The following CAPRIN1 variants were observed in gnomAD, a reference collection of about 807,000 sequenced individuals.
CAPRIN1 encodes caprin-1.
Under a neutral mutation model 100.9 loss-of-function variants are expected in CAPRIN1, and 29 were observed. The ratio of observed to expected loss-of-function variants is 0.29; its 90% CI spans 0.21 to 0.39. The LOEUF (loss-of-function observed/expected upper bound fraction) is 0.39. CAPRIN1 is among the 10% of genes least tolerant of loss of function. CAPRIN1 has a pLI of 1.00. For synonymous variants in CAPRIN1, 338 were observed against 307.5 expected (o/e 1.10, Z -1.04); for missense variants, 795 against 876.7 (o/e 0.91, Z 1.18).
intron 4 of CAPRIN1, among the ~76,000 whole-genome samples, chr11:34,072,565 C>G (rs1850823685): frequency 6.6e-6 from 1 of 152,036 alleles, no homozygotes; most frequent in African/African-American, 2.4e-5. Flanking sequence ...GGTAATTATT[C>G]TCTGCTTTAG....
intron 18 of CAPRIN1, 27 bp downstream of exon 18, chr11:34,097,788 C>A: frequency 6.2e-7 from 1 of 1,613,920 alleles, no homozygotes; most frequent in Non-Finnish European, 8.5e-7. Flanking sequence ...GTGATCCTAG[C>A]TCCTAAGTGG....
chr11:34,065,258 G>A (rs1008476499), intron 2 of CAPRIN1, among the ~76,000 whole-genome samples: 5 of 152,192 alleles, frequency 3.3e-5, no homozygotes, highest in Admixed American at 1.3e-4. Flanking sequence ...CACTGCACCC[G>A]GCCCCGTATA....
intron 2 of CAPRIN1, among the ~76,000 whole-genome samples, chr11:34,069,824 TGTG>T (rs1462908221): frequency 6.6e-6 from 1 of 151,198 alleles, no homozygotes. Flanking sequence ...AGGAAGGAAT[TGTG>T]GTAGGGTTTT....
chr11:34,094,429 A>T (rs1851325678), intron 15 of CAPRIN1, among the ~76,000 whole-genome samples: 1 of 152,238 alleles, frequency 6.6e-6, no homozygotes, highest in South Asian at 2.1e-4. Flanking sequence ...GTGTCTAATC[A>T]GGAACAACAT....
rs749679990 is a variant in CAPRIN1 at position 34,071,777 on chromosome 11, C to A, written c.268C>A (p.Gln90Lys). 1 of 1,597,596 alleles carries A rather than the reference C, an allele frequency of 6.3e-7. No individual in the cohort carries two copies. The highest frequency in any genetic ancestry group is 8.5e-7 in the Non-Finnish European group (1 of 1,173,790). The change falls in exon 3 of 19, where the codon CAA becomes AAA. Residue 90 changes from glutamine to lysine, a missense_variant. Physicochemically the swap from Gln to Lys is moderately conservative, Grantham distance 53. This residue lies in a region of CAPRIN1 where 38 missense variants were observed against 92.3 expected (regional missense o/e 0.41). Transcript: ENST00000341394. ...ERMNKGERLN[Q>K]DQLDAVSKYQ... ...AATGAACAAAGGGGAAAGGCTTAAT[C>A]AAGATCAGCTGGTAAAGATGTTATA...
chr11:34,092,756 C>G (rs758625560), intron 15 of CAPRIN1, among the ~76,000 whole-genome samples: 8 of 152,168 alleles, frequency 5.3e-5, no homozygotes, highest in Non-Finnish European at 1.2e-4. Context: ...CTCATGGTGG[C>G]TGCATTTCGT....
chr11:34,098,561 GGAATTACA>G, intron 18 of CAPRIN1: 1 of 985,330 alleles, frequency 1.0e-6, no homozygotes, highest in Non-Finnish European at 1.2e-6. Context: ...GTGTTAAGGA[GGAATTACA>G]ACGTACTTTG....
intron 9 of CAPRIN1, among the ~76,000 whole-genome samples, chr11:34,084,985 G>A (rs1851110227): frequency 6.6e-6 from 1 of 151,860 alleles, no homozygotes; most frequent in African/African-American, 2.4e-5. Flanking sequence ...ATCCACATGA[G>A]ATTCCACGAA....
At chr11:34,088,810 T>C (rs1851200628) in intron 11 of CAPRIN1, among the ~76,000 whole-genome samples, 2 of 152,212 alleles carry the variant, frequency 1.3e-5, no homozygotes, top group Non-Finnish European at 2.9e-5. Flanking sequence ...ACATTTTACT[T>C]TACTTTTGGA....
intron 12 of CAPRIN1, among the ~76,000 whole-genome samples, chr11:34,089,794 C>T (rs1851227722): frequency 6.6e-6 from 1 of 151,796 alleles, no homozygotes; most frequent in Non-Finnish European, 1.5e-5. Context: ...CTCTTGATGA[C>T]TTTTTAAGTT....
intron 4 of CAPRIN1, among the ~76,000 whole-genome samples, chr11:34,074,986 A>G (rs1467194121): frequency 6.6e-6 from 1 of 152,180 alleles, no homozygotes; most frequent in East Asian, 1.9e-4. Context: ...TCAAGACCCA[A>G]GACCAGCCTT....
rs757768464 is a variant in CAPRIN1, at chr11:34,071,779, A to G, written c.270A>G (p.Gln90=). 2 of 1,592,952 alleles carry G rather than the reference A, an allele frequency of 1.3e-6. No homozygotes were observed. The highest frequency in any genetic ancestry group is 1.7e-6 in the Non-Finnish European group (2 of 1,172,572). The change falls in exon 3 of 19, where the codon CAA becomes CAG. Residue 90 remains glutamine, a synonymous_variant. Transcript: ENST00000341394. The stretch of plus-strand genomic sequence containing the variant: ...TGAACAAAGGGGAAAGGCTTAATCA[A>G]GATCAGCTGGTAAAGATGTTATATT... ...ERMNKGERLN[Q]DQLDAVSKYQ... is the part of the protein sequence containing the mutation.
In CAPRIN1 at chr11:34,068,212, C is replaced by T. The variant is rs889189439; in HGVS notation, c.217-3514C>T. On this transcript the variant is annotated intron_variant, in intron 2 of 18. Coordinates refer to ENST00000341394, the MANE Select transcript of CAPRIN1 (RefSeq NM_005898.5). ...CATGGCTTCCTCATCATGTGGCAGT[C>T]TCAGAGTTACTGTATTTGTATGATG... 3.9e-5 allele frequency among the ~76,000 whole-genome samples: 6 copies of T among 152,268 alleles called. No homozygotes were observed. The South Asian group carries it at 1.0e-3, about 26-fold the overall frequency.
intron 2 of CAPRIN1, among the ~76,000 whole-genome samples, chr11:34,061,653 C>CT (rs374461218): frequency 3.6e-4 from 54 of 152,068 alleles, no homozygotes; most frequent in Non-Finnish European, 6.6e-4. Context: ...GTGTGCCACT[C>CT]TTTAAGTTCT....
intron 7 of CAPRIN1, among the ~76,000 whole-genome samples, chr11:34,080,587 A>T (rs1245314959): frequency 6.6e-6 from 1 of 152,240 alleles, no homozygotes; most frequent in African/African-American, 2.4e-5. Context: ...AACACTAATT[A>T]TATAGCTAGA....
chr11:34,054,712 C>T (rs918227767), intron 2 of CAPRIN1, among the ~76,000 whole-genome samples: 1 of 152,210 alleles, frequency 6.6e-6, no homozygotes, highest in Non-Finnish European at 1.5e-5. Context: ...GAGTGAGCCC[C>T]TGTGCCCGGC....
At chr11:34,088,759 C>A (rs978784220) in intron 11 of CAPRIN1, among the ~76,000 whole-genome samples, 5 of 152,102 alleles carry the variant, frequency 3.3e-5, no homozygotes, top group Non-Finnish European at 7.4e-5. Flanking sequence ...CTTTAAAAGT[C>A]TTTTTTCATG....
At chr11:34,055,670 G>A (rs891983361) in intron 2 of CAPRIN1, 1 of 152,132 alleles carries the variant, frequency 6.6e-6, no homozygotes, top group African/African-American at 2.4e-5. Flanking sequence ...TTATTACATA[G>A]GTTATTAACT....
Position 34,097,244 on chromosome 11 carries a change from G to T in CAPRIN1, c.1949G>T (p.Gly650Val). ...TCATTCTCTAACACTCCAAACAGTGGTTATACACAGTCTCAGTTCAGTGCT... is the reference window on the plus strand; with the variant it reads ...TCATTCTCTAACACTCCAAACAGTGTTTATACACAGTCTCAGTTCAGTGCT... Reference protein sequence around the residue: ...RPSFSNTPNSGYTQSQFSAPR... With the variant: ...RPSFSNTPNSVYTQSQFSAPR... The change falls in exon 17 of 19, where the codon GGT becomes GTT. Residue 650 changes from glycine to valine, a missense_variant. Around this residue, in one of 3 missense-constraint regions of CAPRIN1, gnomAD observed 648 missense variants for 697.9 expected, o/e 0.93. Coordinates refer to ENST00000341394, the MANE Select transcript of CAPRIN1 (RefSeq NM_005898.5). 1 of 1,614,006 alleles carries T rather than the reference G, an allele frequency of 6.2e-7. No homozygotes were observed. Among genetic ancestry groups the T allele is most frequent in the South Asian group, 1.1e-5 (1 of 91,072 alleles).
Sources: allele counts gnomAD v4.1 joint callset (sites outside exome capture counted in the v4.1 genomes callset), GRCh38; gene constraint gnomAD v4.1.1; regional missense constraint gnomAD v4.1.1; transcripts MANE v1.5; gene names NCBI Gene and HGNC (gene_info 2026-07-23, HGNC 2026-07-21).